The following UHRF1 variants were observed in gnomAD, a reference collection of about 807,000 sequenced individuals.
UHRF1 encodes E3 ubiquitin-protein ligase UHRF1.
UHRF1 carries 9 observed loss-of-function variants against 96.5 expected under a neutral mutation model. That is an observed-to-expected ratio of 0.09 (90% CI 0.06 to 0.16). The LOEUF is 0.16. UHRF1 is among the 10% of genes least tolerant of loss of function. The pLI is 1.00. For missense variants in UHRF1, 626 were observed against 1,131.1 expected, an observed-to-expected ratio of 0.55 and a Z score of 6.40; for synonymous variants, 455 against 469.9, an observed-to-expected ratio of 0.97 and a Z score of 0.41.
At chr19:4,912,385 C>T (rs900448561) in intron 2 of UHRF1, among the ~76,000 whole-genome samples, 1 of 152,208 alleles carries the variant, frequency 6.6e-6, no homozygotes, top group African/African-American at 2.4e-5. Flanking sequence ...GTTTCTGAAG[C>T]CTGCAAGGAC....
chr19:4,909,475 T>G, upstream of UHRF1: 1 of 652,144 alleles, frequency 1.5e-6, no homozygotes. Flanking sequence ...AACTCCCAAA[T>G]GCCGAGTTTT....
At chr19:4,920,883 T>A (rs2032679482) in intron 2 of UHRF1, among the ~76,000 whole-genome samples, 1 of 151,844 alleles carries the variant, frequency 6.6e-6, no homozygotes, top group Admixed American at 6.6e-5. Flanking sequence ...CCCAGCACTT[T>A]GGGAGGCCAA....
At chr19:4,952,601 C>T (rs568691240) in intron 13 of UHRF1, among the ~76,000 whole-genome samples, 1 of 151,326 alleles carries the variant, frequency 6.6e-6, no homozygotes, top group Admixed American at 6.6e-5. Context: ...CCATGTTGGC[C>T]AGGCTGGTGA....
chr19:4,913,323 G>C (rs890069005), intron 2 of UHRF1, among the ~76,000 whole-genome samples: 3 of 140,520 alleles, frequency 2.1e-5, no homozygotes, highest in Non-Finnish European at 3.0e-5. Flanking sequence ...GCTCGATCTG[G>C]GCTCACTGCA....
chr19:4,942,047 G>A lies in UHRF1; in HGVS notation c.1073+116G>A, dbSNP rs1004268474. The A allele has an allele frequency of 1.9e-5, 23 of 1,189,106 alleles. No homozygotes were observed. The African/African-American group carries it at 3.6e-4, about 19-fold the overall frequency. 73.7% of individuals were successfully genotyped at this position (1,189,106 alleles called of 1,614,324 possible). A position where few individuals can be genotyped will look rare whatever the true frequency, so the allele number is the denominator to read the frequency against. ...GCGGGGGCTCACGCCTGCAATCCCA[G>A]TGCTTTGGGAGGCCGAGGCGGGAGG... is the stretch of plus-strand genomic sequence containing the variant. On this transcript the variant is annotated intron_variant, in intron 7 of 16. Transcript: ENST00000650932.
chr19:4,951,555 C>T (rs1029480729), intron 13 of UHRF1, among the ~76,000 whole-genome samples: 9 of 152,092 alleles, frequency 5.9e-5, no homozygotes, highest in Middle Eastern at 3.2e-3. Context: ...GTGATGGGAA[C>T]GCGCAGATGA....
chr19:4,940,013 G>C (rs2033340944), intron 5 of UHRF1, among the ~76,000 whole-genome samples: 1 of 140,284 alleles, frequency 7.1e-6, no homozygotes, highest in Non-Finnish European at 1.5e-5. Flanking sequence ...GACAGAGCGA[G>C]ACTGTCTCAA....
chr19:4,917,071 G>GT (rs984622036), intron 2 of UHRF1, among the ~76,000 whole-genome samples: 1 of 96,036 alleles, frequency 1.0e-5, no homozygotes, highest in African/African-American at 4.6e-5. Context: ...GCAGCTCGGT[G>GT]GGGGGGGGGG....
At chr19:4,933,655 A>C (rs1486692448) in intron 5 of UHRF1, among the ~76,000 whole-genome samples, 1 of 152,204 alleles carries the variant, frequency 6.6e-6, no homozygotes, top group East Asian at 1.9e-4. Context: ...TTTTGGCGAC[A>C]TCACTGTTAC....
chr19:4,911,168 G>T, intron 2 of UHRF1, 130 bp downstream of exon 2: 1 of 854,996 alleles, frequency 1.2e-6, no homozygotes, highest in South Asian at 2.3e-5. Flanking sequence ...CATCTCTCCC[G>T]GAAGGAGAAG....
intron 4 of UHRF1, among the ~76,000 whole-genome samples, chr19:4,932,314 C>G (rs569466645): frequency 1.6e-4 from 24 of 151,480 alleles, no homozygotes; most frequent in African/African-American, 5.8e-4. Flanking sequence ...GTGATCTTCC[C>G]GCTTCGGCCT....
At chr19:4,932,347 C>T (rs919149452) in intron 4 of UHRF1, among the ~76,000 whole-genome samples, 4 of 152,242 alleles carry the variant, frequency 2.6e-5, no homozygotes, top group Non-Finnish European at 5.9e-5. Flanking sequence ...GGATTACAGG[C>T]GTGGGCCACC....
chr19:4,910,802 C>T, intron 1 of UHRF1, 74 bp from the exon 2 acceptor site: 1 of 1,475,644 alleles, frequency 6.8e-7, no homozygotes, highest in Non-Finnish European at 9.1e-7. Context: ...AAAGCAACCC[C>T]GACTCCTTAG....
intron 13 of UHRF1, among the ~76,000 whole-genome samples, chr19:4,953,210 T>C (rs1015188149): frequency 1.3e-5 from 2 of 152,166 alleles, no homozygotes; most frequent in African/African-American, 4.8e-5. Context: ...TGGTCGAGGC[T>C]CCACAGTTAA....
chr19:4,912,243 G>A (rs566457590), intron 2 of UHRF1, among the ~76,000 whole-genome samples: 1 of 152,198 alleles, frequency 6.6e-6, no homozygotes, highest in Non-Finnish European at 1.5e-5. Flanking sequence ...GGCCGGGCTC[G>A]ACAGAGGAGC....
At chr19:4,940,698 A>G (rs2033366490) in intron 5 of UHRF1, among the ~76,000 whole-genome samples, 1 of 151,290 alleles carries the variant, frequency 6.6e-6, no homozygotes, top group African/African-American at 2.4e-5. Flanking sequence ...GATGAGATGG[A>G]GTCTCACTCT....
rs1037015427 is a variant in UHRF1, at chr19:4,961,565, C to T, written c.*762C>T. On this transcript the variant is annotated 3_prime_UTR_variant, in exon 17 of 17. Coordinates refer to ENST00000650932, the MANE Select transcript of UHRF1 (RefSeq NM_001048201.3). ...GGACGGACGCCAGCACACGAAGTCACGTGCAAGTGCCTTTGATTCGTTCCT... is the reference window on the plus strand; with the variant it reads ...GGACGGACGCCAGCACACGAAGTCATGTGCAAGTGCCTTTGATTCGTTCCT... The T allele has an allele frequency of 3.3e-5, 5 of 152,572 alleles. No individual in the cohort carries two copies. The highest frequency in any genetic ancestry group is 1.2e-4 in the African/African-American group (5 of 41,576). 9.5% of individuals were successfully genotyped at this position (152,572 alleles called of 1,614,324 possible).
Position 4,930,600 on chromosome 19 carries a change from TG to T in UHRF1, c.409-113del. 7.8e-7 allele frequency: 1 copy of T among 1,288,442 alleles called. No homozygotes were observed. The highest frequency in any genetic ancestry group is 1.1e-6 in the Non-Finnish European group (1 of 931,944). 79.8% of individuals were successfully genotyped at this position (1,288,442 alleles called of 1,614,324 possible). A position where few individuals can be genotyped will look rare whatever the true frequency, so the allele number is the denominator to read the frequency against. ...CAGCCAGGGAGGAGAAACCTCGCTG[TG>T]GGCATTCGAGTTTGCGCCCTGGTTC... On this transcript the variant is annotated intron_variant, in intron 3 of 16. Transcript: ENST00000650932. This position sits in a 1 kb window ranked among gnomAD's most constrained non-coding sequence, Gnocchi z 4.4.
At chr19:4,915,898 G>T (rs2032479895) in intron 2 of UHRF1, among the ~76,000 whole-genome samples, 1 of 152,140 alleles carries the variant, frequency 6.6e-6, no homozygotes, top group African/African-American at 2.4e-5. Context: ...CGCTGTGTTG[G>T]AGTCTTTCCA....
Sources: gnomAD v4.1 joint callset for allele counts (sites outside exome capture counted in the v4.1 genomes callset) on GRCh38, gnomAD v4.1.1 for gene constraint, Gnocchi (gnomAD v3.1) non-coding constraint, MANE v1.5 for transcripts, NCBI Gene and HGNC (gene_info 2026-07-23, HGNC 2026-07-21) for gene names.